The following ATP2C2 variants were observed in gnomAD, a reference collection of about 807,000 sequenced individuals.
The protein encoded by ATP2C2 is ATPase secretory pathway Ca2+ transporting 2, also known as calcium-transporting ATPase type 2C member 2.
ATP2C2 carries 171 observed loss-of-function variants against 110.8 expected under a neutral mutation model. The ratio of observed to expected loss-of-function variants is 1.54; its 90% confidence interval spans 1.36 to 1.75. ATP2C2 has a LOEUF of 1.75. Among genes scored for constraint, ATP2C2 ranks in the 40% most tolerant of loss-of-function variants. ATP2C2 has a pLI of 0.00. For synonymous variants in ATP2C2, 804 were observed against 508.4 expected, an observed-to-expected ratio of 1.58 and a Z score of -7.82; for missense variants, 1,963 against 1,235.0, an observed-to-expected ratio of 1.59 and a Z score of -8.84.
At chr16:84,381,808 C>G (rs1488580332) in intron 1 of ATP2C2, among the ~76,000 whole-genome samples, 1 of 152,096 alleles carries the variant, frequency 6.6e-6, no homozygotes, top group Non-Finnish European at 1.5e-5. Flanking sequence ...TAATGAACAT[C>G]TATGGATATA....
At chr16:84,379,250 T>A (rs1051448453) in intron 1 of ATP2C2, among the ~76,000 whole-genome samples, 4 of 147,974 alleles carry the variant, frequency 2.7e-5, no homozygotes, top group African/African-American at 9.8e-5. Flanking sequence ...GGCGCAATCA[T>A]GGCTCACTGC....
chr16:84,435,732 C>A (rs752499103), intron 11 of ATP2C2, among the ~76,000 whole-genome samples: 12 of 151,734 alleles, frequency 7.9e-5, no homozygotes, highest in Non-Finnish European at 1.6e-4. Context: ...GAGGCAGAGG[C>A]TGGAGGATTG....
At chr16:84,388,696 C>G (rs116296372) in intron 1 of ATP2C2, among the ~76,000 whole-genome samples, 1,782 of 152,336 alleles carry the variant, frequency 0.012, 46 homozygotes, top group African/African-American at 0.041. Flanking sequence ...CTGACTCTTG[C>G]ATTGATTCTC....
intron 24 of ATP2C2, 145 bp downstream of exon 24, chr16:84,460,946 G>T (rs116314493): frequency 8.2e-7 from 1 of 1,212,736 alleles, no homozygotes; most frequent in Non-Finnish European, 1.1e-6. Flanking sequence ...CATCAGAGGC[G>T]TGGGGTGCAT....
At chr16:84,454,583 C>T (rs971541720) in intron 20 of ATP2C2, among the ~76,000 whole-genome samples, 10 of 152,312 alleles carry the variant, frequency 6.6e-5, no homozygotes, top group African/African-American at 2.4e-4. Context: ...TCAGTTTGGG[C>T]CTCACAACAG....
intron 2 of ATP2C2, 60 bp downstream of exon 2, chr16:84,398,669 C>G (rs1227369453): frequency 5.2e-6 from 7 of 1,352,234 alleles, no homozygotes; most frequent in Non-Finnish European, 5.1e-6. Flanking sequence ...TAAAAGAAAG[C>G]AACACAAAGC....
intron 7 of ATP2C2, among the ~76,000 whole-genome samples, chr16:84,421,793 A>G (rs1427049406): frequency 2.0e-5 from 3 of 152,232 alleles, no homozygotes; most frequent in African/African-American, 7.2e-5. Context: ...CATATGCAAA[A>G]TGGGGAAGAT....
intron 1 of ATP2C2, among the ~76,000 whole-genome samples, chr16:84,388,013 G>C (rs1308480587): frequency 1.3e-5 from 2 of 151,942 alleles, no homozygotes; most frequent in Non-Finnish European, 2.9e-5. Flanking sequence ...GCCCACAGCA[G>C]GTGTGTTTTT....
At chr16:84,449,196 G>A (rs1910030949) in intron 17 of ATP2C2, among the ~76,000 whole-genome samples, 1 of 152,258 alleles carries the variant, frequency 6.6e-6, no homozygotes, top group Admixed American at 6.5e-5. Flanking sequence ...CTGAGCACTG[G>A]TATTCCCTTG....
intron 21 of ATP2C2, among the ~76,000 whole-genome samples, 179 bp from the exon 22 acceptor site, chr16:84,458,941 G>A (rs1194672016): frequency 6.6e-6 from 1 of 152,166 alleles, no homozygotes; most frequent in African/African-American, 2.4e-5. Flanking sequence ...AGGGGCACCT[G>A]TTAGAACACC....
intron 11 of ATP2C2, among the ~76,000 whole-genome samples, chr16:84,438,550 C>G (rs1364387174): frequency 6.6e-6 from 1 of 152,224 alleles, no homozygotes; most frequent in East Asian, 1.9e-4. Flanking sequence ...CTCCTCGAAT[C>G]CAGCCAACCC....
chr16:84,459,916 C>T (rs1235563247), intron 23 of ATP2C2: 3 of 282,540 alleles, frequency 1.1e-5, no homozygotes, highest in Non-Finnish European at 2.1e-5. Context: ...ACCCGCTCCG[C>T]CACTTAATAT....
chr16:84,462,087 C>T lies in ATP2C2; in HGVS notation c.2680C>T (p.Pro894Ser), dbSNP rs778257996. Residue 894 changes from proline (P) to serine (S), a missense_variant, in exon 26 of 27, where the codon CCG becomes TCG. Transcript: ENST00000262429. ...GCAGCTGGCGGTCATTTACATCCCC[C>T]CGCTGCAGAGGGTCTTCCAGACGGA... is the stretch of plus-strand genomic sequence containing the variant. ...LGQLAVIYIP[P>S]LQRVFQTENL... 25 of 1,614,016 alleles carry T rather than the reference C, an allele frequency of 1.5e-5. No individual in the cohort carries two copies. The South Asian group carries it at 2.5e-4, about 16-fold the overall frequency.
intron 23 of ATP2C2, chr16:84,460,317 G>C: frequency 2.6e-6 from 1 of 380,916 alleles, no homozygotes; most frequent in South Asian, 2.4e-5. Flanking sequence ...GGAGGGCGGA[G>C]CCTGGAGCCT....
intron 14 of ATP2C2, among the ~76,000 whole-genome samples, chr16:84,441,278 T>A (rs184573233): frequency 3.9e-4 from 59 of 152,114 alleles, no homozygotes; most frequent in African/African-American, 1.0e-3. Context: ...ATTATTTTTT[T>A]TAAAAAAATT....
intron 17 of ATP2C2, among the ~76,000 whole-genome samples, chr16:84,450,103 G>C (rs1055919766): frequency 5.3e-5 from 8 of 152,256 alleles, no homozygotes; most frequent in South Asian, 2.1e-4. Flanking sequence ...AGCGTAATGA[G>C]AACGGGTCAG....
Position 84,460,737 on chromosome 16 carries a change from T to A in ATP2C2, c.2417T>A (p.Ile806Asn), listed in dbSNP as rs774189396. 2.5e-6 allele frequency: 4 copies of A among 1,614,120 alleles called. No homozygotes were observed. In the South Asian group the frequency reaches 3.3e-5, roughly 13 times the overall value. ...GACACCATCCTCAGCAGAGCCCTCA[T>A]CCTGAAGATCCTCATGTCCGCGGCC... ...VRDTILSRAL[I>N]LKILMSAAII... is the part of the protein sequence containing the mutation. Residue 806 changes from isoleucine to asparagine, a missense_variant, in exon 24 of 27, where the codon ATC becomes AAC. Physicochemically the swap from Ile to Asn is moderately radical, Grantham distance 149 (BLOSUM62 -3). Coordinates refer to ENST00000262429, the MANE Select transcript of ATP2C2 (RefSeq NM_014861.4).
intron 1 of ATP2C2, among the ~76,000 whole-genome samples, chr16:84,392,610 C>G (rs977103178): frequency 1.3e-5 from 2 of 152,106 alleles, no homozygotes; most frequent in African/African-American, 4.8e-5. Flanking sequence ...TTACAGGTGC[C>G]CGCCACCACG....
At chr16:84,461,340 T>G in intron 24 of ATP2C2, 1 of 329,080 alleles carries the variant, frequency 3.0e-6, no homozygotes, top group South Asian at 4.3e-5. Context: ...TGCCTCCATT[T>G]TCCCTCCAGC....
Sources: gnomAD v4.1 joint callset for allele counts (sites outside exome capture counted in the v4.1 genomes callset) on GRCh38, gnomAD v4.1.1 for gene constraint, MANE v1.5 for transcripts, NCBI Gene and HGNC (gene_info 2026-07-23, HGNC 2026-07-21) for gene names.